Variants in PLAGL1 observed in about 807,000 individuals in gnomAD.
The protein encoded by PLAGL1 is zinc finger protein PLAGL1.
In PLAGL1, 1 loss-of-function variant was observed where a neutral mutation model predicts 4.6. The ratio of observed to expected loss-of-function variants is 0.22; its 90% CI spans 0.08 to 1.03. The LOEUF is 1.03. Among genes scored for constraint, PLAGL1 ranks in the 50% least tolerant of loss-of-function variants. PLAGL1 has a pLI of 0.58. For missense variants in PLAGL1, 464 were observed against 570.4 expected (o/e 0.81, Z 1.90); for synonymous variants, 240 against 237.8 (o/e 1.01, Z -0.08).
chr6:144,061,798 C>G lies in PLAGL1; in HGVS notation c.-151+2670G>C, dbSNP rs1799428848. Among the ~76,000 whole-genome samples the G allele has an allele frequency of 6.6e-6, 1 of 152,178 alleles. No homozygotes were observed. Among genetic ancestry groups the G allele is most frequent in the Non-Finnish European group, 1.5e-5 (1 of 68,030 alleles). On this transcript the variant is annotated intron_variant, in intron 1 of 3. Transcript: ENST00000437412. This position sits in a 1 kb window ranked among gnomAD's most constrained non-coding sequence, Gnocchi z 4.4. ...CCTTCCTCCTCCCAATCTCCCTCTT[C>G]TAGTTATTCCTTTTTTTAATTCCTC... is the stretch of plus-strand genomic sequence containing the variant.
At chr6:144,021,267 G>C (rs903061783) in intron 1 of PLAGL1, among the ~76,000 whole-genome samples, 4 of 152,150 alleles carry the variant, frequency 2.6e-5, no homozygotes, top group African/African-American at 9.7e-5. Flanking sequence ...TAACATTGTA[G>C]AGTAGGATAA....
chr6:143,984,078 G>C lies in PLAGL1; in HGVS notation c.-544+1057C>G, dbSNP rs1788518200. ...TTTCCAGATTTTAAATTTTTATGTT[G>C]TCTTATAACTATATTTATAATAATG... On this transcript the variant is annotated intron_variant, in intron 2 of 7. Transcript: ENST00000674357. The surrounding 1 kb of genome is among the most constrained non-coding windows in gnomAD (Gnocchi z 5.5). Among the ~76,000 whole-genome samples, 1 of 152,014 alleles carries C rather than the reference G, an allele frequency of 6.6e-6. No homozygotes were observed. The highest frequency in any genetic ancestry group is 2.4e-5 in the African/African-American group (1 of 41,390).
At position 143,957,314 on chromosome 6, in the gene PLAGL1, T is replaced by C. The variant is rs1782369584; in HGVS notation, c.-325+3155A>G. Among the ~76,000 whole-genome samples the C allele has an allele frequency of 6.6e-6, 1 of 152,014 alleles. No homozygotes were observed. The highest frequency in any genetic ancestry group is 2.1e-4 in the South Asian group (1 of 4,828). ...AGGAGTCTGGTGGGGGGGTGAGGGG[T>C]GGAGAGCAACTCCCAAAATCCAGAC... On this transcript the variant is annotated intron_variant, in intron 6 of 7. Transcript: ENST00000674357. This position sits in a 1 kb window ranked among gnomAD's most constrained non-coding sequence, Gnocchi z 4.2.
At position 143,953,202 on chromosome 6, in the gene PLAGL1, T is replaced by A. The variant is rs1781426899; in HGVS notation, c.-324-4742A>T. ...TGTTTACTCAATGGCCCAGTAGAGATCTCCACCTTAATATGTTTGAAGAGC... is the reference window on the plus strand; with the variant it reads ...TGTTTACTCAATGGCCCAGTAGAGAACTCCACCTTAATATGTTTGAAGAGC... On this transcript the variant is annotated intron_variant, in intron 6 of 7. Coordinates refer to ENST00000674357, the MANE Select transcript of PLAGL1 (RefSeq NM_001317162.2). The surrounding 1 kb of genome is among the most constrained non-coding windows in gnomAD (Gnocchi z 5.3). Among the ~76,000 whole-genome samples the A allele has an allele frequency of 6.6e-6, 1 of 152,216 alleles. No individual in the cohort carries two copies. Among genetic ancestry groups the A allele is most frequent in the Admixed American group, 6.5e-5 (1 of 15,290 alleles).
At position 144,055,875 on chromosome 6, in the gene PLAGL1, A is replaced by C. The variant is rs1583908496; in HGVS notation, c.-151+8593T>G. On this transcript the variant is annotated intron_variant, in intron 1 of 3. Transcript: ENST00000437412. This position sits in a 1 kb window ranked among gnomAD's most constrained non-coding sequence, Gnocchi z 5.0. The stretch of plus-strand genomic sequence containing the variant: ...TACATTCACACACACAGAGAGATTC[A>C]TGTTCCACCTACATGACAGCCCTGT... Among the ~76,000 whole-genome samples the C allele has an allele frequency of 6.6e-6, 1 of 152,218 alleles. No individual in the cohort carries two copies. The highest frequency in any genetic ancestry group is 2.4e-5 in the African/African-American group (1 of 41,444).
intron 1 of PLAGL1, chr6:144,007,443 T>C (rs535732467): frequency 6.6e-6 from 1 of 152,322 alleles, no homozygotes; most frequent in Non-Finnish European, 1.5e-5. Flanking sequence ...TGATTTTTAT[T>C]GGTTTCCTAA....
intron 2 of PLAGL1, among the ~76,000 whole-genome samples, chr6:143,974,962 T>G (rs1407811202): frequency 6.6e-6 from 1 of 152,192 alleles, no homozygotes; most frequent in Non-Finnish European, 1.5e-5. Context: ...TACGTATCTT[T>G]CAAAAGCATT....
At position 143,961,508 on chromosome 6, in the gene PLAGL1, C is replaced by A. The variant is rs557355236; in HGVS notation, c.-398-966G>T. On this transcript the variant is annotated intron_variant, in intron 5 of 7. Coordinates refer to ENST00000674357, the MANE Select transcript of PLAGL1 (RefSeq NM_001317162.2). The surrounding 1 kb of genome is among the most constrained non-coding windows in gnomAD (Gnocchi z 6.5). ...TAAGTTAAAAATGGAAAAACCAAGG[C>A]CATTTTGGGACAACTGTTTTTAACG... 3 of 152,294 alleles carry A rather than the reference C, an allele frequency of 2.0e-5. No homozygotes were observed. The South Asian group carries it at 6.2e-4, about 32-fold the overall frequency. 9.4% of individuals were successfully genotyped at this position (152,294 alleles called of 1,614,324 possible).
chr6:144,003,516 C>T (rs1403051102), intron 1 of PLAGL1, among the ~76,000 whole-genome samples: 3 of 151,054 alleles, frequency 2.0e-5, no homozygotes, highest in Non-Finnish European at 2.9e-5. Flanking sequence ...CCCAGCTACT[C>T]GGGAGGCTGA....
At position 143,972,687 on chromosome 6, in the gene PLAGL1, T is replaced by C. The variant is rs184093777; in HGVS notation, c.-543-3709A>G. 2.6e-5 allele frequency among the ~76,000 whole-genome samples: 4 copies of C among 152,288 alleles called. No homozygotes were observed. Among genetic ancestry groups the C allele is most frequent in the Admixed American group, 2.6e-4 (4 of 15,284 alleles). On this transcript the variant is annotated intron_variant, in intron 2 of 7. Transcript: ENST00000674357. The surrounding 1 kb of genome is among the most constrained non-coding windows in gnomAD (Gnocchi z 6.8). ...GGAACGTAGCTTCCAAGTTCAAAGA[T>C]GTTTTAAAATATAATGAATGAAAGA... is the stretch of plus-strand genomic sequence containing the variant.
rs139682619 is a variant in PLAGL1, at chr6:143,994,926, A to G, written c.-583-9752T>C. Among the ~76,000 whole-genome samples, 1 of 152,330 alleles carries G rather than the reference A, an allele frequency of 6.6e-6. No individual in the cohort carries two copies. Among genetic ancestry groups the G allele is most frequent in the East Asian group, 1.9e-4 (1 of 5,178 alleles). Reference sequence around the variant, plus strand: ...CTGAACTCACGGAGGTAATTGGACTATGTCACATCTCTCAGTGATGCCTCT... The same window carrying G: ...CTGAACTCACGGAGGTAATTGGACTGTGTCACATCTCTCAGTGATGCCTCT... On this transcript the variant is annotated intron_variant, in intron 1 of 7. Coordinates refer to ENST00000674357, the MANE Select transcript of PLAGL1 (RefSeq NM_001317162.2). This position sits in a 1 kb window ranked among gnomAD's most constrained non-coding sequence, Gnocchi z 4.3.
At chr6:143,944,717 A>G (rs202023940) in intron 7 of PLAGL1, among the ~76,000 whole-genome samples, 1 of 3,646 alleles carries the variant, frequency 2.7e-4, no homozygotes. Context: ...ATCCATATGT[A>G]TATATATATA....
chr6:144,047,864 G>A (rs1798279162), intron 1 of PLAGL1, among the ~76,000 whole-genome samples: 1 of 151,988 alleles, frequency 6.6e-6, no homozygotes, highest in Non-Finnish European at 1.5e-5. Context: ...TCTCATTTCA[G>A]CATTAACTCA....
chr6:144,060,443 A>AT (rs1184052708), intron 1 of PLAGL1, among the ~76,000 whole-genome samples: 1 of 152,232 alleles, frequency 6.6e-6, no homozygotes, highest in African/African-American at 2.4e-5. Flanking sequence ...CATGTATTAC[A>AT]TATAGCACCC....
chr6:143,977,719 C>T (rs1425322527), intron 2 of PLAGL1, among the ~76,000 whole-genome samples: 1 of 151,904 alleles, frequency 6.6e-6, no homozygotes, highest in Admixed American at 6.6e-5. Flanking sequence ...AGGCTGGTCT[C>T]GAACTCCCAA....
At chr6:144,052,655 T>C (rs992595630) in intron 1 of PLAGL1, among the ~76,000 whole-genome samples, 9 of 152,284 alleles carry the variant, frequency 5.9e-5, no homozygotes, top group Middle Eastern at 6.8e-3. Context: ...TCTGAAATAA[T>C]TGGGGACTCA....
In PLAGL1 at chr6:143,960,268, T is replaced by A. The variant is rs141103139; in HGVS notation, c.-325+201A>T. The stretch of plus-strand genomic sequence containing the variant: ...GCATCATCCAATTCCCTGAAACACA[T>A]GTGCACTGAGCTTTAAAAAATGAAA... On this transcript the variant is annotated intron_variant, in intron 6 of 7. Transcript: ENST00000674357. The surrounding 1 kb of genome is among the most constrained non-coding windows in gnomAD (Gnocchi z 5.7). 9.2e-3 allele frequency among the ~76,000 whole-genome samples: 1,402 copies of A among 152,328 alleles called. 8 individuals carry two copies. Among genetic ancestry groups the A allele is most frequent in the Middle Eastern group, 0.031 (9 of 294 alleles).
Position 143,958,964 on chromosome 6 carries a change from C to T in PLAGL1, c.-325+1505G>A, listed in dbSNP as rs1035925819. Among the ~76,000 whole-genome samples, 1 of 152,184 alleles carries T rather than the reference C, an allele frequency of 6.6e-6. No individual in the cohort carries two copies. Among genetic ancestry groups the T allele is most frequent in the African/African-American group, 2.4e-5 (1 of 41,430 alleles). ...TAGGTCCTTTGTTTGTTTAACAAAC[C>T]ATTACAATCATACCCAGTTCAATGG... On this transcript the variant is annotated intron_variant, in intron 6 of 7. Transcript: ENST00000674357. This position sits in a 1 kb window ranked among gnomAD's most constrained non-coding sequence, Gnocchi z 5.1.
intron 1 of PLAGL1, among the ~76,000 whole-genome samples, chr6:144,049,485 G>A (rs879242128): frequency 6.6e-6 from 1 of 152,212 alleles, no homozygotes; most frequent in African/African-American, 2.4e-5. Context: ...TGCACGGCTA[G>A]GGAGGCATCA....
Sources: allele counts gnomAD v4.1 joint callset (sites outside exome capture counted in the v4.1 genomes callset), GRCh38; gene constraint gnomAD v4.1.1; non-coding constraint Gnocchi (gnomAD v3.1); transcripts MANE v1.5; gene names NCBI Gene and HGNC (gene_info 2026-07-23, HGNC 2026-07-21).